ENPP6: variants seen among roughly 807,000 people sequenced by gnomAD.
The protein encoded by ENPP6 is ectonucleotide pyrophosphatase/phosphodiesterase 6.
A neutral mutation model predicts 42.0 loss-of-function variants in ENPP6; 32 were observed. The ratio of observed to expected loss-of-function variants is 0.76; its 90% CI spans 0.58 to 1.02. The LOEUF (loss-of-function observed/expected upper bound fraction) is 1.02. Ranked by LOEUF, ENPP6 falls within the 50% of genes least tolerant of loss-of-function variation. ENPP6 has a pLI of 0.00. For missense variants in ENPP6, 552 were observed against 566.8 expected (o/e 0.97, Z 0.27); for synonymous variants, 213 against 216.0 (o/e 0.99, Z 0.12).
At chr4:184,172,680 T>C (rs894709965) in intron 1 of ENPP6, among the ~76,000 whole-genome samples, 4 of 152,052 alleles carry the variant, frequency 2.6e-5, no homozygotes, top group Non-Finnish European at 5.9e-5. Flanking sequence ...TCCATTTCAG[T>C]TTAAGGCCCA....
At chr4:184,113,589 T>G (rs1328783388) in intron 5 of ENPP6, among the ~76,000 whole-genome samples, 5 of 152,214 alleles carry the variant, frequency 3.3e-5, no homozygotes, top group African/African-American at 1.2e-4. Flanking sequence ...CATGCTGATA[T>G]TAAAGGGAAA....
chr4:184,126,157 A>C (rs1736499041), intron 2 of ENPP6, among the ~76,000 whole-genome samples: 1 of 152,202 alleles, frequency 6.6e-6, no homozygotes. Context: ...ACATAATATA[A>C]AACTATAAAT....
rs140996137 is a variant in ENPP6 at position 184,097,744 on chromosome 4, G to A, written c.994-376C>T. On this transcript the variant is annotated intron_variant, in intron 6 of 7. Transcript: ENST00000296741. ...CTAACCTAGAGCTCCTAAAACCAGG[G>A]GTACAATTTCCTGAGGATAAGAATG... is the stretch of plus-strand genomic sequence containing the variant. Among the ~76,000 whole-genome samples, 569 of 152,246 alleles carry A rather than the reference G, an allele frequency of 3.7e-3. 2 individuals carry two copies. Among genetic ancestry groups the A allele is most frequent in the Non-Finnish European group, 5.8e-3 (393 of 68,016 alleles).
At position 184,184,142 on chromosome 4, in the gene ENPP6, T is replaced by G. The variant is rs918942371; in HGVS notation, c.242-30409A>C. Among the ~76,000 whole-genome samples, 9 of 151,746 alleles carry G rather than the reference T, an allele frequency of 5.9e-5. No homozygotes were observed. Among genetic ancestry groups the G allele is most frequent in the African/African-American group, 2.2e-4 (9 of 41,314 alleles). ...ATGTTAAACCACTGAGATGTTAGAG[T>G]GTGAGTGAACAGCGGTAAGTTTTAT... On this transcript the variant is annotated intron_variant, in intron 1 of 7. Transcript: ENST00000296741. This position sits in a 1 kb window ranked among gnomAD's most constrained non-coding sequence, Gnocchi z 4.7.
At chr4:184,183,503 ACACACACACACACACATT>A (rs1732587563) in intron 1 of ENPP6, among the ~76,000 whole-genome samples, 1 of 30,942 alleles carries the variant, frequency 3.2e-5, no homozygotes, top group Admixed American at 1.0e-3. Flanking sequence ...GCATGTATAC[ACACACACACACACACATT>A]CACACACACA....
rs1417407546 is a variant in ENPP6 at position 184,184,292 on chromosome 4, A to G, written c.242-30559T>C. Among the ~76,000 whole-genome samples the G allele has an allele frequency of 6.6e-6, 1 of 152,258 alleles. No homozygotes were observed. Among genetic ancestry groups the G allele is most frequent in the African/African-American group, 2.4e-5 (1 of 41,466 alleles). On this transcript the variant is annotated intron_variant, in intron 1 of 7. Transcript: ENST00000296741. The surrounding 1 kb of genome is among the most constrained non-coding windows in gnomAD (Gnocchi z 4.7). ...CAAGCTTTATGACGTGTTTAAAGAA[A>G]TAAAAGATAGAATCAAAATTAGCAA...
At chr4:184,146,876 A>C (rs1379646712) in intron 2 of ENPP6, among the ~76,000 whole-genome samples, 1 of 151,910 alleles carries the variant, frequency 6.6e-6, no homozygotes. Flanking sequence ...ACCCTCCTCC[A>C]TCTGGTTACT....
intron 6 of ENPP6, among the ~76,000 whole-genome samples, chr4:184,101,756 T>A (rs1736007854): frequency 6.6e-6 from 1 of 152,236 alleles, no homozygotes; most frequent in Non-Finnish European, 1.5e-5. Flanking sequence ...TCACCCAGGG[T>A]GATATGTTCA....
intron 1 of ENPP6, among the ~76,000 whole-genome samples, chr4:184,200,807 G>C (rs1248806333): frequency 6.6e-6 from 1 of 152,202 alleles, no homozygotes; most frequent in Non-Finnish European, 1.5e-5. Context: ...TGGCACACCT[G>C]GAGCCCACTC....
intron 7 of ENPP6, among the ~76,000 whole-genome samples, chr4:184,095,665 A>T (rs199966973): frequency 0.062 from 8,463 of 135,444 alleles, 660 homozygotes; most frequent in African/African-American, 0.18. Context: ...AAAAAAAAAA[A>T]ATATATCTAT....
intron 2 of ENPP6, among the ~76,000 whole-genome samples, chr4:184,146,193 G>A (rs1736917665): frequency 6.6e-6 from 1 of 151,978 alleles, no homozygotes; most frequent in South Asian, 2.1e-4. Flanking sequence ...AGCACTTTGA[G>A]AGGCTGGGAG....
chr4:184,117,203 C>A (rs1736335037), intron 4 of ENPP6, among the ~76,000 whole-genome samples, 168 bp from the exon 5 acceptor site: 1 of 152,196 alleles, frequency 6.6e-6, no homozygotes, highest in Non-Finnish European at 1.5e-5. Context: ...AACAGAAGCC[C>A]TTTGCGGAGG....
At chr4:184,103,266 T>A (rs747744337) in intron 6 of ENPP6, among the ~76,000 whole-genome samples, 1 of 152,222 alleles carries the variant, frequency 6.6e-6, no homozygotes, top group Non-Finnish European at 1.5e-5. Flanking sequence ...CTACTGAAAG[T>A]ATAATTCTCA....
chr4:184,181,809 G>A (rs1732557347), intron 1 of ENPP6, among the ~76,000 whole-genome samples: 1 of 152,158 alleles, frequency 6.6e-6, no homozygotes, highest in Admixed American at 6.5e-5. Context: ...CTAGCCATAT[G>A]CAGGAAATTA....
At chr4:184,192,997 G>A (rs1308180563) in intron 1 of ENPP6, among the ~76,000 whole-genome samples, 1 of 152,174 alleles carries the variant, frequency 6.6e-6, no homozygotes, top group Admixed American at 6.5e-5. Context: ...AAGTGTTGGT[G>A]AGGTTGTGGA....
Position 184,117,759 on chromosome 4 carries a change from C to T in ENPP6, c.675G>A (p.Gln225=). 1 of 1,613,570 alleles carries T rather than the reference C, an allele frequency of 6.2e-7. No individual in the cohort carries two copies. Among genetic ancestry groups the T allele is most frequent in the Non-Finnish European group, 8.5e-7 (1 of 1,179,476 alleles). Residue 225 remains glutamine (Q), a splice_region_variant and synonymous_variant, in exon 4 of 8, where the codon CAG becomes CAA. Coordinates refer to ENST00000296741, the MANE Select transcript of ENPP6 (RefSeq NM_153343.4). The stretch of plus-strand genomic sequence containing the variant: ...GCCACGTGTCTTTGCTTCAGGTCAC[C>T]TGGATCCACTTGGTCATGTACTTCA... The part of the protein sequence containing the change: ...TVLKYMTKWI[Q]ERGLQDRLNV...
chr4:184,148,536 C>A (rs1257265036), intron 2 of ENPP6, among the ~76,000 whole-genome samples: 3 of 152,190 alleles, frequency 2.0e-5, no homozygotes, highest in African/African-American at 7.2e-5. Flanking sequence ...AGAAACCCTG[C>A]AGAATGCTTT....
intron 5 of ENPP6, among the ~76,000 whole-genome samples, chr4:184,115,978 G>A (rs148306464): frequency 0.031 from 4,745 of 152,206 alleles, 233 homozygotes; most frequent in African/African-American, 0.11. Flanking sequence ...CATCTTGGGA[G>A]GCCGAGGCAG....
chr4:184,169,274 C>T (rs1737417290), intron 1 of ENPP6, among the ~76,000 whole-genome samples: 1 of 151,906 alleles, frequency 6.6e-6, no homozygotes, highest in Non-Finnish European at 1.5e-5. Flanking sequence ...GACCGTGGCT[C>T]CAGGATCCAG....
Sources: allele counts gnomAD v4.1 joint callset (sites outside exome capture counted in the v4.1 genomes callset), GRCh38; gene constraint gnomAD v4.1.1; non-coding constraint Gnocchi (gnomAD v3.1); transcripts MANE v1.5; gene names NCBI Gene and HGNC (gene_info 2026-07-23, HGNC 2026-07-21).